The following MRPL48 variants were observed in gnomAD, a reference collection of about 807,000 sequenced individuals.
The protein encoded by MRPL48 is mitochondrial ribosomal protein L48.
Under a neutral mutation model 32.9 loss-of-function variants are expected in MRPL48, and 16 were observed. The ratio of observed to expected loss-of-function variants is 0.49; its 90% CI spans 0.33 to 0.74. The LOEUF (loss-of-function observed/expected upper bound fraction) is 0.74, where lower values mean the gene tolerates loss of function less well. MRPL48 is among the 30% of genes least tolerant of loss of function. MRPL48 has a pLI of 0.02. For missense variants in MRPL48, 206 were observed against 245.3 expected (o/e 0.84, Z 1.07); for synonymous variants, 94 against 89.2 (o/e 1.05, Z -0.31).
intron 4 of MRPL48, among the ~76,000 whole-genome samples, chr11:73,836,804 C>T (rs1452171755): frequency 6.6e-6 from 1 of 152,144 alleles, no homozygotes; most frequent in East Asian, 1.9e-4. Context: ...TTAGCTGTTA[C>T]AGATGAGGAA....
At chr11:73,812,759 ATTG>A in intron 3 of MRPL48, among the ~76,000 whole-genome samples, 1 of 139,608 alleles carries the variant, frequency 7.2e-6, no homozygotes, top group African/African-American at 2.8e-5. Context: ...TTTATTTTTT[ATTG>A]TTTTTGAGAC....
chr11:73,829,845 A>G (rs1309902509), intron 4 of MRPL48, among the ~76,000 whole-genome samples: 1 of 152,100 alleles, frequency 6.6e-6, no homozygotes, highest in Non-Finnish European at 1.5e-5. Context: ...GCTCACTGCA[A>G]CCTCTGCCTC....
intron 1 of MRPL48, among the ~76,000 whole-genome samples, chr11:73,799,119 C>G (rs1401106132): frequency 6.6e-6 from 1 of 151,986 alleles, no homozygotes; most frequent in Admixed American, 6.6e-5. Flanking sequence ...TTCCAGGATG[C>G]CTAAGATGAG....
intron 4 of MRPL48, among the ~76,000 whole-genome samples, chr11:73,826,854 G>A (rs1947904511): frequency 6.9e-6 from 1 of 144,960 alleles, no homozygotes; most frequent in Non-Finnish European, 1.5e-5. Flanking sequence ...TCGGCTCACT[G>A]CAACCTCCAC....
At chr11:73,797,517 T>C (rs1947277802) in intron 1 of MRPL48, among the ~76,000 whole-genome samples, 1 of 152,184 alleles carries the variant, frequency 6.6e-6, no homozygotes, top group South Asian at 2.1e-4. Context: ...ATCTCCAAGC[T>C]TCTGAGCGCC....
At chr11:73,827,995 A>T (rs564593449) in intron 4 of MRPL48, among the ~76,000 whole-genome samples, 26 of 152,140 alleles carry the variant, frequency 1.7e-4, no homozygotes, top group Non-Finnish European at 2.9e-4. Flanking sequence ...GCGGGTCCTG[A>T]AATTATATGT....
intron 4 of MRPL48, among the ~76,000 whole-genome samples, chr11:73,829,923 C>T (rs1947963203): frequency 6.6e-6 from 1 of 151,628 alleles, no homozygotes; most frequent in Non-Finnish European, 1.5e-5. Context: ...TACCACTACA[C>T]CCGGCTCATT....
intron 3 of MRPL48, among the ~76,000 whole-genome samples, chr11:73,819,361 T>C (rs932163373): frequency 9.9e-5 from 15 of 152,260 alleles, no homozygotes; most frequent in Non-Finnish European, 2.2e-4. Context: ...AAGATCCTTT[T>C]TGGTTCTGCT....
chr11:73,820,151 T>G (rs1007505432), intron 3 of MRPL48, among the ~76,000 whole-genome samples: 17 of 152,178 alleles, frequency 1.1e-4, no homozygotes, highest in African/African-American at 3.9e-4. Context: ...ATACTTTCCC[T>G]GCTTATGGCT....
intron 3 of MRPL48, among the ~76,000 whole-genome samples, chr11:73,809,901 C>T (rs542647258): frequency 3.9e-5 from 6 of 152,246 alleles, no homozygotes; most frequent in East Asian, 1.9e-4. Flanking sequence ...TAGAAGATGG[C>T]GGCAATGTGT....
chr11:73,859,837 G>GT, intron 5 of MRPL48, 70 bp from the exon 6 acceptor site: 1 of 1,313,560 alleles, frequency 7.6e-7, no homozygotes, highest in Admixed American at 1.8e-5. Context: ...CTATACTCAT[G>GT]GACTACTATG....
At chr11:73,835,717 G>T (rs1948088151) in intron 4 of MRPL48, among the ~76,000 whole-genome samples, 1 of 151,896 alleles carries the variant, frequency 6.6e-6, no homozygotes, top group South Asian at 2.1e-4. Context: ...TGGCCAACAT[G>T]GTGAAACCCC....
chr11:73,828,200 T>C (rs1947932501), intron 4 of MRPL48, among the ~76,000 whole-genome samples: 1 of 152,034 alleles, frequency 6.6e-6, no homozygotes, highest in Non-Finnish European at 1.5e-5. Flanking sequence ...ATGCCTTGCC[T>C]ATTCAAGAGT....
chr11:73,839,978 G>A (rs1490924237), intron 4 of MRPL48, among the ~76,000 whole-genome samples: 1 of 151,596 alleles, frequency 6.6e-6, no homozygotes, highest in Non-Finnish European at 1.5e-5. Context: ...GTGCACTGTA[G>A]TCCCAGATAC....
At chr11:73,794,854 C>T (rs1277856562) in intron 1 of MRPL48, among the ~76,000 whole-genome samples, 2 of 150,428 alleles carry the variant, frequency 1.3e-5, no homozygotes, top group East Asian at 4.0e-4. Flanking sequence ...AAGCGATTCT[C>T]CTGCCTCGAC....
chr11:73,845,645 C>T (rs1948274561), intron 5 of MRPL48, among the ~76,000 whole-genome samples: 1 of 152,152 alleles, frequency 6.6e-6, no homozygotes, highest in Non-Finnish European at 1.5e-5. Context: ...TGGCATGTGC[C>T]TGTAGTCCCA....
chr11:73,805,293 C>CTTTTT (rs11335180), intron 2 of MRPL48, among the ~76,000 whole-genome samples: 7 of 136,892 alleles, frequency 5.1e-5, no homozygotes, highest in African/African-American at 5.6e-5. Context: ...TGATGCTGTT[C>CTTTTT]TTTTTTTTTT....
chr11:73,827,691 C>T (rs1362468985), intron 4 of MRPL48, among the ~76,000 whole-genome samples: 2 of 152,068 alleles, frequency 1.3e-5, no homozygotes, highest in African/African-American at 4.8e-5. Flanking sequence ...TCCTATTTAC[C>T]TCTCTCTTCT....
chr11:73,792,334 C>A (rs1039056185), intron 1 of MRPL48, among the ~76,000 whole-genome samples: 1 of 152,168 alleles, frequency 6.6e-6, no homozygotes, highest in African/African-American at 2.4e-5. Flanking sequence ...CTAGATGCCA[C>A]TCACTCTGAG....
Sources: gnomAD v4.1 joint callset for allele counts (sites outside exome capture counted in the v4.1 genomes callset) on GRCh38, gnomAD v4.1.1 for gene constraint, MANE v1.5 for transcripts, NCBI Gene and HGNC (gene_info 2026-07-23, HGNC 2026-07-21) for gene names.